The following MCAT variants were observed in gnomAD, a reference collection of about 807,000 sequenced individuals.
MCAT encodes the protein malonyl-CoA-acyl carrier protein transacylase, also known as malonyl-CoA-acyl carrier protein transacylase, mitochondrial.
A neutral mutation model predicts 22.9 loss-of-function variants in MCAT; 22 were observed. The ratio of observed to expected loss-of-function variants is 0.96; its 90% CI spans 0.69 to 1.37. MCAT has a LOEUF of 1.37. MCAT is among the 40% of genes most tolerant of loss of function. MCAT has a pLI of 0.00. For synonymous variants in MCAT, 240 were observed against 233.9 expected (o/e 1.03, Z -0.24); for missense variants, 534 against 533.6 (o/e 1.00, Z -0.01).
chr22:43,142,939 T>C lies in MCAT; in HGVS notation c.410A>G (p.His137Arg). 1 of 1,576,870 alleles carries C rather than the reference T, an allele frequency of 6.3e-7. No homozygotes were observed. The highest frequency in any genetic ancestry group is 8.6e-7 in the Non-Finnish European group (1 of 1,160,678). The change falls in exon 1 of 4, where the codon CAC becomes CGC. Residue 137 changes from histidine to arginine, a missense_variant. His to Arg is a conservative substitution (Grantham distance 29, BLOSUM62 0). Transcript: ENST00000290429. ...ASLAAVEKLH[H>R]LQPSVIENCV... ...CTCGGGCCTCACCGAGGGCTGCAGG[T>C]GATGTAGTTTCTCGACAGCGGCCAG...
intron 3 of MCAT, among the ~76,000 whole-genome samples, chr22:43,133,810 T>G (rs1930527223): frequency 6.6e-6 from 1 of 150,946 alleles, no homozygotes; most frequent in South Asian, 2.1e-4. Context: ...GAGAATTCTT[T>G]TTTTTTTTTT....
chr22:43,132,999 C>T lies in MCAT; in HGVS notation c.*44G>A. ...GCGACAGGCACAGCCTACAGCCTCT[C>T]CTCAGGAGGACAGAGGGGGTCATCG... On this transcript the variant is annotated 3_prime_UTR_variant, in exon 4 of 4. Coordinates refer to ENST00000290429, the MANE Select transcript of MCAT (RefSeq NM_173467.5). The T allele has an allele frequency of 6.3e-7, 1 of 1,579,596 alleles. No individual in the cohort carries two copies. Among genetic ancestry groups the T allele is most frequent in the Non-Finnish European group, 8.7e-7 (1 of 1,155,436 alleles).
rs780285755 is a variant in MCAT at position 43,137,212 on chromosome 22, G to T, written c.598C>A (p.Pro200Thr). The T allele has an allele frequency of 6.2e-7, 1 of 1,614,214 alleles. No individual in the cohort carries two copies. Residue 200 changes from proline to threonine, a missense_variant, in exon 3 of 4, where the codon CCT (proline) becomes ACT (threonine). Pro to Thr is a conservative substitution (Grantham distance 38). Coordinates refer to ENST00000290429, the MANE Select transcript of MCAT (RefSeq NM_173467.5). ...CAGGCGAAGTTGAACTTGGACTGAGGCTGGCCGAGGACAGACAGCATCCCA... is the reference window on the plus strand; with the variant it reads ...CAGGCGAAGTTGAACTTGGACTGAGTCTGGCCGAGGACAGACAGCATCCCA... ...PSGMLSVLGQ[P>T]QSKFNFACLE...
In MCAT at chr22:43,143,085, G is replaced by T; in HGVS notation, c.264C>A (p.Arg88=). The T allele has an allele frequency of 6.2e-7, 1 of 1,607,266 alleles. No individual in the cohort carries two copies. The part of the protein sequence containing the change: ...GRGLLNYPRV[R]ELYAAARRVL... ...CGCGGCGGGCGGCGGCGTAGAGTTCGCGGACGCGCGGGTAGTTGAGCAGAC... is the reference window on the plus strand; with the variant it reads ...CGCGGCGGGCGGCGGCGTAGAGTTCTCGGACGCGCGGGTAGTTGAGCAGAC... Residue 88 remains arginine (R), a synonymous_variant, in exon 1 of 4, where the codon CGC becomes CGA. Transcript: ENST00000290429.
intron 3 of MCAT, among the ~76,000 whole-genome samples, chr22:43,133,694 C>T (rs1003871225): frequency 1.3e-5 from 2 of 152,166 alleles, no homozygotes; most frequent in African/African-American, 2.4e-5. Context: ...CAAATAAGCA[C>T]AGTTCCATCT....
At position 43,142,953 on chromosome 22, in the gene MCAT, G is replaced by C. The variant is rs772329338; in HGVS notation, c.396C>G (p.Val132=). The stretch of plus-strand genomic sequence containing the variant: ...AGGGCTGCAGGTGATGTAGTTTCTC[G>C]ACAGCGGCCAGCGATGCCACGAAGA... ...PAIFVASLAA[V]EKLHHLQPSV... Residue 132 remains valine (V), a synonymous_variant, in exon 1 of 4, where the codon GTC becomes GTG. Transcript: ENST00000290429. The C allele has an allele frequency of 1.7e-5, 27 of 1,588,730 alleles. No individual in the cohort carries two copies. In the Admixed American group the frequency reaches 4.5e-4, roughly 26 times the overall value.
intron 3 of MCAT, among the ~76,000 whole-genome samples, chr22:43,136,196 A>G (rs1028809744): frequency 6.6e-6 from 1 of 152,202 alleles, no homozygotes; most frequent in Non-Finnish European, 1.5e-5. Flanking sequence ...GTGAGCCGTG[A>G]TGGTGCCACC....
intron 3 of MCAT, among the ~76,000 whole-genome samples, 182 bp downstream of exon 3, chr22:43,136,899 C>T (rs1446758588): frequency 6.6e-6 from 1 of 152,194 alleles, no homozygotes; most frequent in South Asian, 2.1e-4. Context: ...TGGAGCAGGG[C>T]AGCATTCTTG....
At chr22:43,138,819 G>A (rs1296729123) in intron 2 of MCAT, among the ~76,000 whole-genome samples, 1 of 152,184 alleles carries the variant, frequency 6.6e-6, no homozygotes, top group East Asian at 1.9e-4. Flanking sequence ...TGGGCAGAGA[G>A]AAGAGATGAC....
chr22:43,141,591 G>A (rs1177204735), intron 1 of MCAT, among the ~76,000 whole-genome samples: 2 of 151,184 alleles, frequency 1.3e-5, no homozygotes, highest in African/African-American at 4.9e-5. Context: ...TTTTTTTTGA[G>A]GCGGAGTTTT....
chr22:43,137,007 G>A, intron 3 of MCAT, 74 bp downstream of exon 3: 1 of 1,289,796 alleles, frequency 7.8e-7, no homozygotes, highest in Non-Finnish European at 1.1e-6. Flanking sequence ...AGACTGCTAG[G>A]CCTCACGGGT....
At chr22:43,140,595 T>C (rs1456263842) in intron 2 of MCAT, among the ~76,000 whole-genome samples, 1 of 152,158 alleles carries the variant, frequency 6.6e-6, no homozygotes, top group African/African-American at 2.4e-5. Flanking sequence ...AACATCTATC[T>C]GCCTCTGCCT....
In MCAT at chr22:43,133,094, C is replaced by G; in HGVS notation, c.1122G>C (p.Val374=). The G allele has an allele frequency of 6.2e-7, 1 of 1,614,176 alleles. No individual in the cohort carries two copies. Among genetic ancestry groups the G allele is most frequent in the Non-Finnish European group, 8.5e-7 (1 of 1,180,044 alleles). The change falls in exon 4 of 4, where the codon GTG becomes GTC. Residue 374 remains valine, a synonymous_variant. Coordinates refer to ENST00000290429, the MANE Select transcript of MCAT (RefSeq NM_173467.5). ...QAWKSYSAVD[V]LQTLEHVDLD... ...GGTCCACATGTTCGAGGGTCTGCAG[C>G]ACATCCACGGCGCTGTAGGACTTCC...
In MCAT at chr22:43,142,956, A is replaced by G. The variant is rs1930818842; in HGVS notation, c.393T>C (p.Ala131=). Residue 131 remains alanine, a synonymous_variant, in exon 1 of 4, where the codon GCT becomes GCC. Transcript: ENST00000290429. ...QPAIFVASLA[A]VEKLHHLQPS... ...GCTGCAGGTGATGTAGTTTCTCGAC[A>G]GCGGCCAGCGATGCCACGAAGATCG... The G allele has an allele frequency of 6.3e-7, 1 of 1,591,734 alleles. No homozygotes were observed.
Position 43,142,944 on chromosome 22 carries a change from T to C in MCAT, c.405A>G (p.Leu135=). The change falls in exon 1 of 4, where the codon CTA becomes CTG. Residue 135 remains leucine (L), a synonymous_variant. Transcript: ENST00000290429. ...FVASLAAVEK[L]HHLQPSVIEN... ...GCCTCACCGAGGGCTGCAGGTGATG[T>C]AGTTTCTCGACAGCGGCCAGCGATG... 1 of 1,582,264 alleles carries C rather than the reference T, an allele frequency of 6.3e-7. No homozygotes were observed. The highest frequency in any genetic ancestry group is 1.1e-5 in the South Asian group (1 of 87,704).
chr22:43,133,563 A>T, intron 3 of MCAT, 77 bp from the exon 4 acceptor site: 1 of 1,167,382 alleles, frequency 8.6e-7, no homozygotes, highest in Non-Finnish European at 1.2e-6. Flanking sequence ...CACAGGGCCA[A>T]ACTGGGAGGG....
At chr22:43,141,720 C>T (rs1393445300) in intron 1 of MCAT, among the ~76,000 whole-genome samples, 2 of 152,126 alleles carry the variant, frequency 1.3e-5, no homozygotes, top group Non-Finnish European at 2.9e-5. Context: ...TACAGGTGTC[C>T]ACCACCACAC....
chr22:43,136,419 G>C (rs1930612690), intron 3 of MCAT, among the ~76,000 whole-genome samples: 5 of 152,196 alleles, frequency 3.3e-5, no homozygotes. Context: ...TCTTTCTGTA[G>C]GGGGCTCCTG....
At position 43,137,298 on chromosome 22, in the gene MCAT, C is replaced by T. The variant is rs1476799271; in HGVS notation, c.512G>A (p.Gly171Asp). ...AGCTCGGATTTTCACTGCATACAAA[C>T]CTGGCCAGAGAGAAGCGCATTTGGA... ...VFAGAMEFAE[G>D]LYAVKIRAEA... The change falls in exon 3 of 4, where the codon GGT becomes GAT. Residue 171 changes from glycine (G) to aspartate (D), a missense_variant and splice_region_variant. Coordinates refer to ENST00000290429, the MANE Select transcript of MCAT (RefSeq NM_173467.5). The T allele has an allele frequency of 5.0e-6, 8 of 1,613,074 alleles. No individual in the cohort carries two copies. The East Asian group carries it at 1.6e-4, about 31-fold the overall frequency.
Sources: allele counts gnomAD v4.1 joint callset (sites outside exome capture counted in the v4.1 genomes callset), GRCh38; gene constraint gnomAD v4.1.1; transcripts MANE v1.5; gene names NCBI Gene and HGNC (gene_info 2026-07-23, HGNC 2026-07-21).